The following CEP72 variants were observed in gnomAD, a reference collection of about 807,000 sequenced individuals.
CEP72 encodes the protein centrosomal protein of 72 kDa.
Under a neutral mutation model 65.7 loss-of-function variants are expected in CEP72, and 78 were observed. The observed-to-expected ratio is 1.19, with a 90% CI of 0.99 to 1.43. The LOEUF is 1.43. Ranked by LOEUF, CEP72 falls within the 40% of genes most tolerant of loss-of-function variation. CEP72 has a pLI of 0.00. For synonymous variants in CEP72, 358 were observed against 351.7 expected (o/e 1.02, Z -0.20); for missense variants, 914 against 832.9 (o/e 1.10, Z -1.20).
chr5:642,519 C>A, intron 9 of CEP72: 1 of 985,462 alleles, frequency 1.0e-6, no homozygotes. Context: ...GAGCCTGGGA[C>A]GAGACAGAGC....
chr5:654,806 A>G (rs545721000), downstream of CEP72, among the ~76,000 whole-genome samples: 4 of 129,534 alleles, frequency 3.1e-5, no homozygotes, highest in East Asian at 3.9e-4. Context: ...GCCACTACTC[A>G]TATTTCTTGT....
chr5:668,451 C>G (rs1053208325), downstream of CEP72, among the ~76,000 whole-genome samples: 1 of 132,408 alleles, frequency 7.6e-6, no homozygotes, highest in African/African-American at 2.7e-5. Context: ...GAAGTGCGGA[C>G]AAGCACACGG....
intron 4 of CEP72, among the ~76,000 whole-genome samples, chr5:628,903 G>T (rs77261087): frequency 0.01 from 748 of 73,920 alleles, 28 homozygotes; most frequent in African/African-American, 0.028. Context: ...CTGGGGAGTG[G>T]CCCCAGGACC....
At position 639,590 on chromosome 5, in the gene CEP72, T is replaced by C. The variant is rs116551921; in HGVS notation, c.1342+366T>C. ...AGCATCTTCTCCCCCGACCCAGACG[T>C]GTAGCCTGTGCTGGGCCTGGATTGC... On this transcript the variant is annotated intron_variant, in intron 8 of 11. Coordinates refer to ENST00000264935, the MANE Select transcript of CEP72 (RefSeq NM_018140.4). Among the ~76,000 whole-genome samples the C allele has an allele frequency of 6.5e-3, 994 of 152,302 alleles. 9 individuals are homozygous for C. Among genetic ancestry groups the C allele is most frequent in the African/African-American group, 0.023 (945 of 41,566 alleles).
In CEP72 at chr5:641,572, G is replaced by A. The variant is rs558454126; in HGVS notation, c.1539+968G>A. 3.9e-5 allele frequency: 38 copies of A among 985,284 alleles called. 1 individual carries two copies. The East Asian group carries it at 3.9e-3, about 100-fold the overall frequency. The allele number at this position is 985,284 out of a possible 1,614,324, so 61.0% of individuals were successfully genotyped here. A position where few individuals can be genotyped will look rare whatever the true frequency, so the allele number is the denominator to read the frequency against. ...AGGCAGCCTCTGTTTAAACGCACGT[G>A]GCCCCCCCACCCCGCCTGGAAGCCT... On this transcript the variant is annotated intron_variant, in intron 9 of 11. Transcript: ENST00000264935.
chr5:620,544 C>T (rs184403573), intron 3 of CEP72, among the ~76,000 whole-genome samples: 3 of 152,310 alleles, frequency 2.0e-5, no homozygotes, highest in African/African-American at 4.8e-5. Flanking sequence ...TCTGGCTCTC[C>T]GCGTCATGGC....
Position 637,773 on chromosome 5 carries a change from G to A in CEP72, c.1161G>A (p.Ser387=), listed in dbSNP as rs774203306. 16 of 1,603,754 alleles carry A rather than the reference G, an allele frequency of 1.0e-5. No individual in the cohort carries two copies. The highest frequency in any genetic ancestry group is 1.4e-5 in the Non-Finnish European group (16 of 1,174,478). The change falls in exon 7 of 12, where the codon TCG becomes TCA. Residue 387 remains serine (S), a synonymous_variant. Transcript: ENST00000264935. Reference sequence around the variant, plus strand: ...GGACCTTGTCTCAGCCTGAGGCCTCGGAGACTGAGGAGCAGAGGTCTCGGG... The same window carrying A: ...GGACCTTGTCTCAGCCTGAGGCCTCAGAGACTGAGGAGCAGAGGTCTCGGG... ...NGRTLSQPEA[S]ETEEQRSRGV...
At position 644,855 on chromosome 5, in the gene CEP72, C is replaced by T. The variant is rs115108122; in HGVS notation, c.1666+430C>T. ...ATTCAGGTTGCATTTCTGGTGAACC[C>T]GTGTCTCTCCCGAGCAGGCCTGCTG... On this transcript the variant is annotated intron_variant, in intron 10 of 11. Coordinates refer to ENST00000264935, the MANE Select transcript of CEP72 (RefSeq NM_018140.4). Among the ~76,000 whole-genome samples, 216 of 152,308 alleles carry T rather than the reference C, an allele frequency of 1.4e-3. 2 individuals are homozygous for T. The highest frequency in any genetic ancestry group is 5.0e-3 in the African/African-American group (206 of 41,554).
chr5:642,191 T>G, intron 9 of CEP72: 1 of 773,064 alleles, frequency 1.3e-6, no homozygotes, highest in Non-Finnish European at 1.5e-6. Context: ...TAAACACACG[T>G]GGTCCCCCAT....
chr5:672,757 C>T, the CEP72 span, among the ~76,000 whole-genome samples: 19 of 152,364 alleles, frequency 1.2e-4, no homozygotes, highest in South Asian at 8.3e-4. Flanking sequence ...CGCCTGTGCA[C>T]GCTATGCCTC....
intron 4 of CEP72, among the ~76,000 whole-genome samples, chr5:626,051 G>C (rs1428109516): frequency 5.0e-4 from 2 of 4,040 alleles, no homozygotes; most frequent in East Asian, 2.9e-3. Flanking sequence ...TGGGGGGCAG[G>C]GGGGGGCGGC....
chr5:663,087 T>TGGGC (rs1420651669), intron 1 of CEP72: 1 of 150,862 alleles, frequency 6.6e-6, no homozygotes, highest in East Asian at 1.9e-4. Context: ...TGCTTGTCTG[T>TGGGC]GATTGGGCGA....
At chr5:671,193 T>C (rs1317617252), downstream of CEP72, among the ~76,000 whole-genome samples, 3 of 150,212 alleles carry the variant, frequency 2.0e-5, no homozygotes, top group Non-Finnish European at 3.0e-5. Flanking sequence ...GCGCACACCC[T>C]GCGCTTGCTG....
chr5:616,418 T>C lies in CEP72; in HGVS notation c.83-2572T>C, dbSNP rs530700926. On this transcript the variant is annotated intron_variant, in intron 1 of 11. Coordinates refer to ENST00000264935, the MANE Select transcript of CEP72 (RefSeq NM_018140.4). Reference sequence around the variant, plus strand: ...TGAAGTATTTTTTATGACAGTCACTTTAAAATCCTTGTTAGACCTAAGTTC... The same window carrying C: ...TGAAGTATTTTTTATGACAGTCACTCTAAAATCCTTGTTAGACCTAAGTTC... Among the ~76,000 whole-genome samples the C allele has an allele frequency of 2.8e-4, 42 of 152,330 alleles. 1 individual carries two copies. The highest frequency in any genetic ancestry group is 2.4e-3 in the Admixed American group (37 of 15,310).
downstream of CEP72, among the ~76,000 whole-genome samples, chr5:658,932 T>C (rs992982441): frequency 1.3e-5 from 2 of 152,224 alleles, no homozygotes; most frequent in Non-Finnish European, 2.9e-5. Context: ...CCTCCCAAAG[T>C]GCTGGGACTA....
intron 7 of CEP72, 31 bp downstream of exon 7, chr5:637,849 A>C: frequency 2.7e-6 from 4 of 1,488,762 alleles, no homozygotes; most frequent in Non-Finnish European, 3.6e-6. Flanking sequence ...CAGCAGGCCC[A>C]CGGCACTGCC....
chr5:614,327 T>C (rs1239841119), intron 1 of CEP72, among the ~76,000 whole-genome samples: 3 of 152,172 alleles, frequency 2.0e-5, no homozygotes, highest in Non-Finnish European at 4.4e-5. Context: ...GTGCCACAAG[T>C]TTCCCTGTAA....
At chr5:641,347 AGAGCCACGTGAG>A in intron 9 of CEP72, 1 of 985,440 alleles carries the variant, frequency 1.0e-6, no homozygotes, top group South Asian at 4.7e-5. Flanking sequence ...GTGTGAGGGC[AGAGCCACGTGAG>A]GATGTGCACA....
intron 11 of CEP72, among the ~76,000 whole-genome samples, chr5:651,883 C>T (rs1739129959): frequency 6.6e-6 from 1 of 151,930 alleles, no homozygotes; most frequent in African/African-American, 2.4e-5. Context: ...TCCCCCACTC[C>T]TCAGGCTGAG....
Sources: gnomAD v4.1 joint callset for allele counts (sites outside exome capture counted in the v4.1 genomes callset) on GRCh38, gnomAD v4.1.1 for gene constraint, MANE v1.5 for transcripts, NCBI Gene and HGNC (gene_info 2026-07-23, HGNC 2026-07-21) for gene names.